Variants in HPSE2 observed in about 807,000 individuals in gnomAD.
The protein encoded by HPSE2 is heparanase 2 (inactive), also known as inactive heparanase-2.
A neutral mutation model predicts 60.5 loss-of-function variants in HPSE2; 38 were observed. The observed-to-expected ratio is 0.63, with a 90% CI of 0.48 to 0.82. The LOEUF is 0.82. Ranked by LOEUF, HPSE2 falls within the 40% of genes least tolerant of loss-of-function variation. The probability of loss-of-function intolerance (pLI) is 0.00; values close to 1 mark genes in which losing one functional copy is unlikely to be tolerated. For missense variants in HPSE2, 713 were observed against 740.4 expected (o/e 0.96, Z 0.43); for synonymous variants, 295 against 293.2 (o/e 1.01, Z -0.06).
chr10:98,699,864 C>G (rs1302086321), intron 5 of HPSE2, among the ~76,000 whole-genome samples: 354 of 108,722 alleles, frequency 3.3e-3, no homozygotes, highest in Middle Eastern at 0.013. Flanking sequence ...AAACAGAGAG[C>G]CAAATCATCA....
intron 3 of HPSE2, among the ~76,000 whole-genome samples, chr10:99,086,604 G>A (rs1843331135): frequency 6.6e-6 from 1 of 151,604 alleles, no homozygotes; most frequent in African/African-American, 2.4e-5. Context: ...CGCCCGCCTC[G>A]GCCTCCCAAA....
chr10:98,781,429 A>G (rs1466780358), intron 3 of HPSE2, among the ~76,000 whole-genome samples: 3 of 151,954 alleles, frequency 2.0e-5, no homozygotes, highest in Non-Finnish European at 4.4e-5. Context: ...ACAGTGGCAA[A>G]ATTACAAAAC....
chr10:99,181,124 C>T (rs184296849), intron 2 of HPSE2, among the ~76,000 whole-genome samples: 252 of 151,778 alleles, frequency 1.7e-3, no homozygotes, highest in African/African-American at 5.8e-3. Flanking sequence ...CGCGGCCGGG[C>T]GCGGTGGCTC....
At chr10:98,556,939 G>A (rs774173468) in intron 9 of HPSE2, among the ~76,000 whole-genome samples, 17 of 152,130 alleles carry the variant, frequency 1.1e-4, no homozygotes, top group Non-Finnish European at 1.5e-4. Flanking sequence ...GTCCAGGCAC[G>A]GTGGCTCACA....
intron 2 of HPSE2, among the ~76,000 whole-genome samples, chr10:99,172,211 C>T (rs181754439): frequency 5.3e-5 from 8 of 152,252 alleles, no homozygotes; most frequent in Non-Finnish European, 1.2e-4. Flanking sequence ...TAGTCCCCAG[C>T]GTGTACTGCT....
chr10:99,033,834 A>G (rs1394102349), intron 3 of HPSE2, among the ~76,000 whole-genome samples: 2 of 152,086 alleles, frequency 1.3e-5, no homozygotes, highest in Non-Finnish European at 2.9e-5. Flanking sequence ...CAGGCGCTAT[A>G]AAGGACAAAG....
rs535895589 is a variant in HPSE2 at position 98,945,716 on chromosome 10, C to T, written c.610+198522G>A. ...AAGTAAATGGAATTCTGGGTAATTACTTTCTTTTCAAAGTTTTTCTTTAAT... is the reference window on the plus strand; with the variant it reads ...AAGTAAATGGAATTCTGGGTAATTATTTTCTTTTCAAAGTTTTTCTTTAAT... On this transcript the variant is annotated intron_variant, in intron 3 of 11. Transcript: ENST00000370552. 7.4e-4 allele frequency among the ~76,000 whole-genome samples: 112 copies of T among 152,212 alleles called. 3 individuals carry two copies. The South Asian group carries it at 0.022, about 30-fold the overall frequency.
chr10:99,109,926 A>C (rs1355972789), intron 3 of HPSE2, among the ~76,000 whole-genome samples: 3 of 152,196 alleles, frequency 2.0e-5, no homozygotes, highest in Non-Finnish European at 4.4e-5. Flanking sequence ...GGATCAAGAA[A>C]TAAAGGCCTG....
intron 3 of HPSE2, among the ~76,000 whole-genome samples, chr10:98,790,548 G>A (rs986912028): frequency 6.6e-6 from 1 of 152,140 alleles, no homozygotes; most frequent in Non-Finnish European, 1.5e-5. Flanking sequence ...TCAGAGCAGA[G>A]GATTAAGTTT....
the HPSE2 span, among the ~76,000 whole-genome samples, chr10:99,243,556 T>C: frequency 6.6e-6 from 1 of 152,230 alleles, no homozygotes; most frequent in Non-Finnish European, 1.5e-5. Flanking sequence ...AAGTTGTTTT[T>C]ATATGTACTG....
intron 3 of HPSE2, among the ~76,000 whole-genome samples, chr10:99,023,728 G>A (rs1957316272): frequency 6.6e-6 from 1 of 152,226 alleles, no homozygotes; most frequent in South Asian, 2.1e-4. Context: ...TCAAGATCTA[G>A]TCTAAGACCA....
At chr10:98,926,790 T>C (rs954621224) in intron 3 of HPSE2, among the ~76,000 whole-genome samples, 4 of 152,182 alleles carry the variant, frequency 2.6e-5, no homozygotes, top group African/African-American at 9.6e-5. Context: ...ATTTTTCCCA[T>C]GCCAGGAAAA....
chr10:98,625,204 T>G (rs1946175713), intron 7 of HPSE2, among the ~76,000 whole-genome samples: 1 of 152,234 alleles, frequency 6.6e-6, no homozygotes, highest in African/African-American at 2.4e-5. Context: ...AAAGGGCGAC[T>G]AAAACCTGAT....
intron 6 of HPSE2, among the ~76,000 whole-genome samples, chr10:98,680,120 G>C (rs1362751971): frequency 6.6e-6 from 1 of 152,206 alleles, no homozygotes; most frequent in Non-Finnish European, 1.5e-5. Context: ...GCTTTGTACA[G>C]TTGATATTGC....
chr10:98,913,803 C>T (rs1287401416), intron 3 of HPSE2, among the ~76,000 whole-genome samples: 4 of 152,202 alleles, frequency 2.6e-5, no homozygotes, highest in Non-Finnish European at 2.9e-5. Flanking sequence ...AATTTAAAAG[C>T]AGATTTCTTG....
intron 3 of HPSE2, among the ~76,000 whole-genome samples, chr10:98,852,653 A>T: frequency 6.6e-6 from 1 of 152,302 alleles, no homozygotes. Context: ...GTCCAATTAC[A>T]TTTCTACATG....
chr10:98,599,908 T>C (rs11189708), intron 9 of HPSE2, among the ~76,000 whole-genome samples: 63,364 of 151,692 alleles, frequency 0.42, 15,899 homozygotes, highest in Admixed American at 0.54. Context: ...CTTTTTTGGC[T>C]AATTTTAAAG....
intron 9 of HPSE2, among the ~76,000 whole-genome samples, chr10:98,593,989 A>G (rs554567585): frequency 6.6e-6 from 1 of 152,318 alleles, no homozygotes; most frequent in South Asian, 2.1e-4. Context: ...ATGTATCTCT[A>G]TAAATATCTA....
chr10:99,215,409 C>T (rs1849086342), intron 2 of HPSE2, among the ~76,000 whole-genome samples: 1 of 152,122 alleles, frequency 6.6e-6, no homozygotes, highest in African/African-American at 2.4e-5. Flanking sequence ...GGGAGCTGAA[C>T]AACGAGAACA....
Sources: allele counts gnomAD v4.1 joint callset (sites outside exome capture counted in the v4.1 genomes callset), GRCh38; gene constraint gnomAD v4.1.1; transcripts MANE v1.5; gene names NCBI Gene and HGNC (gene_info 2026-07-23, HGNC 2026-07-21).